The following GSE1 variants were observed in gnomAD, a reference collection of about 807,000 sequenced individuals.
The protein encoded by GSE1 is Gse1 coiled-coil protein.
Under a neutral mutation model 112.6 loss-of-function variants are expected in GSE1, and 32 were observed. That is an observed-to-expected ratio of 0.28 (90% CI 0.21 to 0.38). The LOEUF is 0.38. Among genes scored for constraint, GSE1 ranks in the 10% least tolerant of loss-of-function variants. The probability of loss-of-function intolerance (pLI) is 1.00; values close to 1 mark genes in which losing one functional copy is unlikely to be tolerated. For missense variants in GSE1, 2,348 were observed against 1,699.2 expected, an observed-to-expected ratio of 1.38 and a Z score of -6.71; for synonymous variants, 1,115 against 735.6, an observed-to-expected ratio of 1.52 and a Z score of -8.35.
intron 2 of GSE1, among the ~76,000 whole-genome samples, chr16:85,461,695 C>T (rs1311625452): frequency 2.6e-5 from 4 of 152,170 alleles, no homozygotes; most frequent in African/African-American, 7.2e-5. Flanking sequence ...AGGCTGCAGT[C>T]GGTGGGCTGG....
At chr16:85,548,938 C>T (rs371724072) in intron 2 of GSE1, among the ~76,000 whole-genome samples, 9 of 152,226 alleles carry the variant, frequency 5.9e-5, no homozygotes, top group East Asian at 5.8e-4. Flanking sequence ...TACAGGCGTG[C>T]GCCACCACGT....
chr16:85,663,742 C>G (rs1470658350), intron 11 of GSE1, 128 bp downstream of exon 11: 1 of 908,308 alleles, frequency 1.1e-6, no homozygotes, highest in Admixed American at 2.5e-5. Flanking sequence ...CCCCTTTACT[C>G]CTCCCGGCTC....
chr16:85,556,741 G>A (rs1278314648), intron 1 of GSE1, among the ~76,000 whole-genome samples: 1 of 144,484 alleles, frequency 6.9e-6, no homozygotes, highest in Non-Finnish European at 1.5e-5. Context: ...GCCCCGATCG[G>A]GTAGCATGCC....
intron 2 of GSE1, among the ~76,000 whole-genome samples, chr16:85,500,478 A>T (rs1202918475): frequency 6.6e-6 from 1 of 152,234 alleles, no homozygotes; most frequent in Non-Finnish European, 1.5e-5. Context: ...ATTCCTAATA[A>T]ACAGGCGCAT....
intron 1 of GSE1, among the ~76,000 whole-genome samples, chr16:85,242,420 A>G (rs979401811): frequency 2.5e-4 from 38 of 152,364 alleles, no homozygotes; most frequent in African/African-American, 7.9e-4. Flanking sequence ...CGTGGAGCCA[A>G]GCAGTTGGTG....
chr16:85,643,219 A>T (rs1404190847), intron 2 of GSE1, among the ~76,000 whole-genome samples: 1 of 152,214 alleles, frequency 6.6e-6, no homozygotes, highest in Non-Finnish European at 1.5e-5. Flanking sequence ...TCTCCAATCC[A>T]GATCCGTTTC....
chr16:85,388,329 T>TGGGTGAGTGGATGGGTGG (rs1208326396), intron 2 of GSE1, among the ~76,000 whole-genome samples: 1 of 78,248 alleles, frequency 1.3e-5, no homozygotes, highest in Non-Finnish European at 2.6e-5. Flanking sequence ...GATGGATGGA[T>TGGGTGAGTGGATGGGTGG]GAATGGATGT....
chr16:85,306,757 C>T (rs537986549), intron 1 of GSE1, among the ~76,000 whole-genome samples: 1 of 152,178 alleles, frequency 6.6e-6, no homozygotes, highest in Non-Finnish European at 1.5e-5. Context: ...CACCTCCAGC[C>T]CTGGGTATGG....
At chr16:85,613,663 T>G (rs1307633711) in intron 1 of GSE1, among the ~76,000 whole-genome samples, 7 of 41,764 alleles carry the variant, frequency 1.7e-4, no homozygotes, top group South Asian at 1.7e-3. Context: ...CAGCGGGGGA[T>G]GGGGGGGGTG....
Position 85,661,275 on chromosome 16 carries a change from G to A in GSE1, c.1770G>A (p.Leu590=). ...CGGCCCTCTGGAACCCCGTGTCCCT[G>A]ATGGACAACACCTTGGAGACGCGGC... ...APTALWNPVS[L]MDNTLETRRA... is the part of the protein sequence containing the mutation. The change falls in exon 9 of 16, where the codon CTG becomes CTA. Residue 590 remains leucine, a synonymous_variant. Transcript: ENST00000253458. 6.2e-7 allele frequency: 1 copy of A among 1,612,960 alleles called. No homozygotes were observed. Among genetic ancestry groups the A allele is most frequent in the Non-Finnish European group, 8.5e-7 (1 of 1,180,000 alleles).
chr16:85,658,894 C>G (rs992318744), intron 8 of GSE1, among the ~76,000 whole-genome samples: 1 of 152,224 alleles, frequency 6.6e-6, no homozygotes, highest in African/African-American at 2.4e-5. Flanking sequence ...CTGCCCCATC[C>G]GGACCTGGGG....
chr16:85,364,942 C>G (rs111915653), intron 2 of GSE1, among the ~76,000 whole-genome samples: 38 of 152,358 alleles, frequency 2.5e-4, no homozygotes, highest in African/African-American at 8.7e-4. Context: ...TACATGCTCT[C>G]CCTGGGTCCT....
In GSE1 at chr16:85,471,976, G is replaced by A. The variant is rs113564731; in HGVS notation, c.2464+114333G>A. The stretch of plus-strand genomic sequence containing the variant: ...TTACACCTTAAGGCACCGTAAGACC[G>A]TTGAGGTTTGGGGCCAGATACTTCT... On this transcript the variant is annotated intron_variant, in intron 2 of 2. Transcript: ENST00000637419. 2.1e-3 allele frequency among the ~76,000 whole-genome samples: 320 copies of A among 152,356 alleles called. 2 individuals carry two copies. Among genetic ancestry groups the A allele is most frequent in the African/African-American group, 7.3e-3 (303 of 41,578 alleles).
At chr16:85,649,033 C>G (rs185698657) in intron 3 of GSE1, among the ~76,000 whole-genome samples, 2 of 152,150 alleles carry the variant, frequency 1.3e-5, no homozygotes, top group Non-Finnish European at 2.9e-5. Flanking sequence ...CACAAGTTCA[C>G]AATCCGGGGG....
intron 2 of GSE1, among the ~76,000 whole-genome samples, chr16:85,425,231 C>T (rs2048944251): frequency 6.7e-6 from 1 of 148,476 alleles, no homozygotes; most frequent in Admixed American, 6.8e-5. Flanking sequence ...TGAGGCATTT[C>T]AACAGAGAGG....
At chr16:85,385,805 G>T (rs1471964524) in intron 2 of GSE1, among the ~76,000 whole-genome samples, 3 of 152,242 alleles carry the variant, frequency 2.0e-5, no homozygotes, top group African/African-American at 7.2e-5. Flanking sequence ...TGGACAGGGG[G>T]AGGGGAGCCA....
At chr16:85,508,703 G>C (rs1177247805) in intron 2 of GSE1, among the ~76,000 whole-genome samples, 2 of 152,236 alleles carry the variant, frequency 1.3e-5, no homozygotes, top group Non-Finnish European at 2.9e-5. Flanking sequence ...CTTGTGCTCA[G>C]TATGCTGGTG....
intron 1 of GSE1, among the ~76,000 whole-genome samples, chr16:85,241,873 G>A (rs371334397): frequency 2.6e-5 from 4 of 151,972 alleles, no homozygotes; most frequent in Non-Finnish European, 5.9e-5. Flanking sequence ...CCCCCTCCCC[G>A]GGCACCCCCA....
At chr16:85,367,024 G>A (rs932862866) in intron 2 of GSE1, among the ~76,000 whole-genome samples, 11 of 152,126 alleles carry the variant, frequency 7.2e-5, no homozygotes, top group African/African-American at 2.7e-4. Context: ...TCTCTGCAGG[G>A]GCCACTGTGC....
Sources: gnomAD v4.1 joint callset for allele counts (sites outside exome capture counted in the v4.1 genomes callset) on GRCh38, gnomAD v4.1.1 for gene constraint, MANE v1.5 for transcripts, NCBI Gene and HGNC (gene_info 2026-07-23, HGNC 2026-07-21) for gene names.